The following SDK1 variants were observed in gnomAD, a reference collection of about 807,000 sequenced individuals.
SDK1 encodes protein sidekick-1.
In SDK1, 157 loss-of-function variants were observed where a neutral mutation model predicts 245.5. The ratio of observed to expected loss-of-function variants is 0.64; its 90% CI spans 0.56 to 0.73. SDK1 has a LOEUF of 0.73. Ranked by LOEUF, SDK1 falls within the 30% of genes least tolerant of loss-of-function variation. The probability of loss-of-function intolerance (pLI) is 0.00; values close to 1 mark genes in which losing one functional copy is unlikely to be tolerated. For missense variants in SDK1, 3,583 were observed against 3,002.3 expected (o/e 1.19, Z -4.52); for synonymous variants, 1,647 against 1,278.5 (o/e 1.29, Z -6.15).
rs183492083 is a variant in SDK1 at position 3,530,255 on chromosome 7, C to A, written c.299-88825C>A. Reference sequence around the variant, plus strand: ...CTTAGAAACGACCCATTTCAACTTGCCTGAGAGTAGGAATTAGATATTTCT... The same window carrying A: ...CTTAGAAACGACCCATTTCAACTTGACTGAGAGTAGGAATTAGATATTTCT... On this transcript the variant is annotated intron_variant, in intron 1 of 44. Transcript: ENST00000404826. 2.0e-5 allele frequency among the ~76,000 whole-genome samples: 3 copies of A among 152,092 alleles called. 1 individual carries two copies. The highest frequency in any genetic ancestry group is 4.2e-4 in the South Asian group (2 of 4,816).
At chr7:4,174,388 G>T in intron 33 of SDK1, 31 bp downstream of exon 33, 1 of 1,610,630 alleles carries the variant, frequency 6.2e-7, no homozygotes, top group Non-Finnish European at 8.5e-7. Flanking sequence ...CTGGTACAGG[G>T]AGGGAGGTTC....
At chr7:4,251,603 C>T (rs1787301344) in intron 44 of SDK1, among the ~76,000 whole-genome samples, 1 of 152,176 alleles carries the variant, frequency 6.6e-6, no homozygotes, top group African/African-American at 2.4e-5. Context: ...AAGCATGTAC[C>T]AAAACTCCAG....
In SDK1 at chr7:4,044,158, T is replaced by C. The variant is rs140229041; in HGVS notation, c.2603-5190T>C. On this transcript the variant is annotated intron_variant, in intron 17 of 44. Transcript: ENST00000404826. Reference sequence around the variant, plus strand: ...GTGACCGTCTGTGCCTCTCATTCAGTTGGGAAGATGGCTTCGTGCACACGT... The same window carrying C: ...GTGACCGTCTGTGCCTCTCATTCAGCTGGGAAGATGGCTTCGTGCACACGT... 3.7e-3 allele frequency among the ~76,000 whole-genome samples: 560 copies of C among 152,272 alleles called. 6 individuals carry two copies. The South Asian group carries it at 0.039, about 11-fold the overall frequency.
At chr7:4,074,576 C>T (rs980757278) in intron 20 of SDK1, among the ~76,000 whole-genome samples, 12 of 151,872 alleles carry the variant, frequency 7.9e-5, no homozygotes, top group African/African-American at 2.9e-4. Flanking sequence ...AGGGCAGGGC[C>T]CAGGCTGGGC....
At chr7:3,575,877 C>T (rs1156378090) in intron 1 of SDK1, among the ~76,000 whole-genome samples, 1 of 151,896 alleles carries the variant, frequency 6.6e-6, no homozygotes, top group African/African-American at 2.4e-5. Context: ...GGTGCAAGTT[C>T]CAGAGTGAGG....
At chr7:4,005,820 C>A (rs996793778) in intron 14 of SDK1, among the ~76,000 whole-genome samples, 1 of 152,160 alleles carries the variant, frequency 6.6e-6, no homozygotes, top group African/African-American at 2.4e-5. Flanking sequence ...TGCTTGAGTC[C>A]AGGTGTTCAA....
intron 1 of SDK1, among the ~76,000 whole-genome samples, chr7:3,596,629 A>C (rs1471439800): frequency 6.6e-6 from 1 of 152,196 alleles, no homozygotes; most frequent in Non-Finnish European, 1.5e-5. Flanking sequence ...CCCTGTAGGC[A>C]GTCGTTTTTC....
rs576698362 is a variant in SDK1, at chr7:3,787,933, C to T, written c.714-33517C>T. 2.4e-4 allele frequency among the ~76,000 whole-genome samples: 37 copies of T among 152,332 alleles called. No individual in the cohort carries two copies. In the South Asian group the frequency reaches 7.3e-3, roughly 30 times the overall value. ...CACATGCGGTTGCACAGAAGCCACT[C>T]TCAGAAGTCTGAAGAGAAAGGAACT... On this transcript the variant is annotated intron_variant, in intron 4 of 44. Coordinates refer to ENST00000404826, the MANE Select transcript of SDK1 (RefSeq NM_152744.4).
At chr7:3,829,123 TA>T (rs1389951107) in intron 5 of SDK1, among the ~76,000 whole-genome samples, 1 of 152,246 alleles carries the variant, frequency 6.6e-6, no homozygotes. Flanking sequence ...GCGGTAGTTT[TA>T]TTAAAATATA....
At chr7:4,255,452 C>T (rs952740035) in intron 44 of SDK1, among the ~76,000 whole-genome samples, 1 of 152,178 alleles carries the variant, frequency 6.6e-6, no homozygotes, top group Non-Finnish European at 1.5e-5. Context: ...AGAGGGCAGT[C>T]CCTGGACTTT....
chr7:3,541,590 A>C (rs1308753260), intron 1 of SDK1, among the ~76,000 whole-genome samples: 1 of 152,154 alleles, frequency 6.6e-6, no homozygotes, highest in African/African-American at 2.4e-5. Context: ...AACTTTATAT[A>C]TAACTATGGA....
chr7:3,694,001 C>A (rs1282629192), intron 4 of SDK1, among the ~76,000 whole-genome samples: 1 of 152,178 alleles, frequency 6.6e-6, no homozygotes. Context: ...GACTCTTCCT[C>A]CAGACCTTTG....
In SDK1 at chr7:3,755,617, C is replaced by A. The variant is rs1161471532; in HGVS notation, c.714-65833C>A. Among the ~76,000 whole-genome samples the A allele has an allele frequency of 2.2e-4, 34 of 152,158 alleles. 1 individual carries two copies. Among genetic ancestry groups the A allele is most frequent in the Admixed American group, 2.2e-3 (34 of 15,274 alleles). ...GATAACCACCTCCACAGCCAAAATACAGAACGTCATCTCAAAAAAGTTCTC... is the reference window on the plus strand; with the variant it reads ...GATAACCACCTCCACAGCCAAAATAAAGAACGTCATCTCAAAAAAGTTCTC... On this transcript the variant is annotated intron_variant, in intron 4 of 44. Coordinates refer to ENST00000404826, the MANE Select transcript of SDK1 (RefSeq NM_152744.4).
chr7:3,890,699 T>C (rs1156669277), intron 5 of SDK1, among the ~76,000 whole-genome samples: 1 of 151,960 alleles, frequency 6.6e-6, no homozygotes, highest in Non-Finnish European at 1.5e-5. Context: ...CCCAGCACTT[T>C]GGGAGGCTGA....
intron 1 of SDK1, among the ~76,000 whole-genome samples, chr7:3,436,837 C>G (rs1322142189): frequency 6.6e-6 from 1 of 152,078 alleles, no homozygotes; most frequent in Non-Finnish European, 1.5e-5. Flanking sequence ...GTTAAACTGC[C>G]TTTTAAAAAC....
rs920482120 is a variant in SDK1 at position 4,268,459 on chromosome 7, G to T, written c.*3075G>T. On this transcript the variant is annotated 3_prime_UTR_variant, in exon 45 of 45. Transcript: ENST00000404826. ...CTCTCCCAGCCTGCTTTTATAAGGCGCACTTCACTCAATGCTGTAGCCAAA... is the reference window on the plus strand; with the variant it reads ...CTCTCCCAGCCTGCTTTTATAAGGCTCACTTCACTCAATGCTGTAGCCAAA... 3.5e-6 allele frequency: 4 copies of T among 1,146,930 alleles called. No individual in the cohort carries two copies. The highest frequency in any genetic ancestry group is 3.3e-6 in the Non-Finnish European group (3 of 917,698). The allele number at this position is 1,146,930 out of a possible 1,614,324, so 71.0% of individuals were successfully genotyped here.
intron 4 of SDK1, among the ~76,000 whole-genome samples, chr7:3,744,472 G>A (rs920618317): frequency 8.6e-5 from 13 of 151,752 alleles, no homozygotes; most frequent in African/African-American, 3.1e-4. Context: ...ACCTAGCAAG[G>A]AATATCATCA....
In SDK1 at chr7:4,268,233, T is replaced by A. The variant is rs1788588980; in HGVS notation, c.*2849T>A. The A allele has an allele frequency of 1.0e-6, 1 of 992,778 alleles. No individual in the cohort carries two copies. The highest frequency in any genetic ancestry group is 1.2e-6 in the Non-Finnish European group (1 of 834,474). 61.5% of individuals were successfully genotyped at this position (992,778 alleles called of 1,614,324 possible). A position where few individuals can be genotyped will look rare whatever the true frequency, so the allele number is the denominator to read the frequency against. ...TCGGCCCCACCCTGCAAGGATGTGG[T>A]CACGGAGTGGCCAGGAGGCTCCGTC... On this transcript the variant is annotated 3_prime_UTR_variant, in exon 45 of 45. Transcript: ENST00000404826.
At chr7:3,843,140 C>T (rs1049949211) in intron 5 of SDK1, among the ~76,000 whole-genome samples, 24 of 152,292 alleles carry the variant, frequency 1.6e-4, no homozygotes, top group African/African-American at 5.3e-4. Context: ...TTATGGAACC[C>T]TGGGCTTTGC....
Sources: allele counts gnomAD v4.1 joint callset (sites outside exome capture counted in the v4.1 genomes callset), GRCh38; gene constraint gnomAD v4.1.1; transcripts MANE v1.5; gene names NCBI Gene and HGNC (gene_info 2026-07-23, HGNC 2026-07-21).